Variants in SFSWAP observed in about 807,000 individuals in gnomAD.
SFSWAP encodes the protein splicing factor SWAP.
Under a neutral mutation model 100.7 loss-of-function variants are expected in SFSWAP, and 17 were observed. The observed-to-expected ratio is 0.17, with a 90% CI of 0.12 to 0.25. The LOEUF is 0.25. Among genes scored for constraint, SFSWAP ranks in the 10% least tolerant of loss-of-function variants. The probability of loss-of-function intolerance (pLI) is 1.00; values close to 1 mark genes in which losing one functional copy is unlikely to be tolerated. For missense variants in SFSWAP, 1,005 were observed against 1,262.6 expected, an observed-to-expected ratio of 0.80 and a Z score of 3.09; for synonymous variants, 504 against 510.1, an observed-to-expected ratio of 0.99 and a Z score of 0.16.
intron 14 of SFSWAP, chr12:131,785,300 A>C: frequency 2.1e-6 from 3 of 1,401,096 alleles, no homozygotes; most frequent in Non-Finnish European, 2.9e-6. Context: ...AATCAAAACG[A>C]TTCTGTCCGT....
intron 15 of SFSWAP, among the ~76,000 whole-genome samples, chr12:131,790,135 C>T (rs1474949413): frequency 1.3e-5 from 2 of 152,142 alleles, no homozygotes; most frequent in Non-Finnish European, 2.9e-5. Flanking sequence ...TAAATCTCAC[C>T]GTGGACTCAG....
At chr12:131,787,556 C>A (rs1884980359) in intron 15 of SFSWAP, among the ~76,000 whole-genome samples, 1 of 152,220 alleles carries the variant, frequency 6.6e-6, no homozygotes. Context: ...TGGAGCTACA[C>A]AGAGAAGGAT....
rs71072785 is a variant in SFSWAP, at chr12:131,738,885, C to CTTTTTTTTTTTTTTTTTTTTTTTTTT, written c.1081+10481_1081+10482insTTTTTTTTTTTTTTTTTTTTTTTTTT. Among the ~76,000 whole-genome samples, 12 of 48,754 alleles carry CTTTTTTTTTTTTTTTTTTTTTTTTTT rather than the reference C, an allele frequency of 2.5e-4. 5 individuals carry two copies. Among genetic ancestry groups the CTTTTTTTTTTTTTTTTTTTTTTTTTT allele is most frequent in the Non-Finnish European group, 3.3e-4 (8 of 24,294 alleles). The allele number at this position is 48,754 out of a possible 152,430, so 32.0% of individuals were successfully genotyped here. A position where few individuals can be genotyped will look rare whatever the true frequency, so the allele number is the denominator to read the frequency against. On this transcript the variant is annotated intron_variant, in intron 7 of 17. Transcript: ENST00000261674. Reference sequence around the variant, plus strand: ...TTCCAGTGCTGTAATGAACATTATTCTTTTTTTTTTTTTTTTTTTTTTTTG... The same window carrying CTTTTTTTTTTTTTTTTTTTTTTTTTT: ...TTCCAGTGCTGTAATGAACATTATTCTTTTTTTTTTTTTTTTTTTTTTTTTTTTTTTTTTTTTTTTTTTTTTTTTTG...
chr12:131,781,234 ATTTTTT>A (rs66608201), intron 14 of SFSWAP, among the ~76,000 whole-genome samples: 1 of 102,294 alleles, frequency 9.8e-6, no homozygotes, highest in Non-Finnish European at 2.2e-5. Context: ...ATATCTTATT[ATTTTTT>A]TTTTTTTTTT....
At chr12:131,788,700 C>T (rs571066553) in intron 15 of SFSWAP, among the ~76,000 whole-genome samples, 2 of 151,958 alleles carry the variant, frequency 1.3e-5, no homozygotes, top group African/African-American at 2.4e-5. Flanking sequence ...TGGCTGCTCT[C>T]AAGCTCCTGG....
intron 7 of SFSWAP, among the ~76,000 whole-genome samples, chr12:131,750,063 G>A (rs1295208458): frequency 6.6e-6 from 1 of 152,220 alleles, no homozygotes; most frequent in African/African-American, 2.4e-5. Context: ...AGCGGCAGAA[G>A]CCCTTCGGGA....
rs554609045 is a variant in SFSWAP, at chr12:131,761,176, T to C, written c.1721-3280T>C. On this transcript the variant is annotated intron_variant, in intron 11 of 17. Transcript: ENST00000261674. ...TCCACTGATTATGTTCAGATGATTT[T>C]TTTTCCATATTGGAATTGCAATTGA... is the stretch of plus-strand genomic sequence containing the variant. Among the ~76,000 whole-genome samples the C allele has an allele frequency of 1.8e-3, 277 of 152,354 alleles. 4 individuals carry two copies. Among genetic ancestry groups the C allele is most frequent in the African/African-American group, 6.4e-3 (266 of 41,572 alleles).
intron 13 of SFSWAP, among the ~76,000 whole-genome samples, chr12:131,774,227 G>T (rs947978073): frequency 6.6e-6 from 1 of 152,188 alleles, no homozygotes; most frequent in Non-Finnish European, 1.5e-5. Context: ...GAGCAACGCC[G>T]CAGTGTTGGT....
chr12:131,715,398 A>G (rs1375086819), intron 3 of SFSWAP, among the ~76,000 whole-genome samples: 3 of 151,982 alleles, frequency 2.0e-5, no homozygotes, highest in Non-Finnish European at 4.4e-5. Flanking sequence ...GGGAGTTTCT[A>G]CTCCCCAGAA....
chr12:131,746,920 C>T (rs1022404091), intron 7 of SFSWAP, among the ~76,000 whole-genome samples: 12 of 152,106 alleles, frequency 7.9e-5, no homozygotes, highest in East Asian at 1.9e-4. Flanking sequence ...CTGGCTAACA[C>T]GGTGAAACCC....
chr12:131,760,830 T>C (rs532330583), intron 11 of SFSWAP, among the ~76,000 whole-genome samples: 1 of 152,200 alleles, frequency 6.6e-6, no homozygotes, highest in African/African-American at 2.4e-5. Flanking sequence ...TCCCAGCACT[T>C]TGGGAGGCCG....
intron 1 of SFSWAP, chr12:131,712,055 G>A (rs939352606): frequency 6.5e-6 from 1 of 152,802 alleles, no homozygotes; most frequent in African/African-American, 2.4e-5. Context: ...TTGACAGATT[G>A]AGGTAGTGAG....
chr12:131,744,475 G>C (rs951670963), intron 7 of SFSWAP, among the ~76,000 whole-genome samples: 1 of 152,198 alleles, frequency 6.6e-6, no homozygotes, highest in Non-Finnish European at 1.5e-5. Context: ...CTTTGCCTCA[G>C]TTCCCAACAA....
At chr12:131,798,392 C>T (rs1331459890) in intron 16 of SFSWAP, among the ~76,000 whole-genome samples, 1 of 152,196 alleles carries the variant, frequency 6.6e-6, no homozygotes, top group Non-Finnish European at 1.5e-5. Context: ...ACACAGACGC[C>T]TCATGCACAG....
chr12:131,797,456 C>T (rs1885765942), intron 16 of SFSWAP, 96 bp downstream of exon 16: 10 of 1,160,492 alleles, frequency 8.6e-6, no homozygotes, highest in African/African-American at 3.1e-5. Context: ...TGTCAGTACT[C>T]GCCTGTGTCC....
At chr12:131,738,043 A>T (rs1445878791) in intron 7 of SFSWAP, among the ~76,000 whole-genome samples, 1 of 152,166 alleles carries the variant, frequency 6.6e-6, no homozygotes, top group Non-Finnish European at 1.5e-5. Context: ...GCCCACTGTG[A>T]TAGCCTGTGG....
At chr12:131,719,170 C>G (rs368299627) in intron 3 of SFSWAP, among the ~76,000 whole-genome samples, 4 of 151,874 alleles carry the variant, frequency 2.6e-5, no homozygotes, top group Non-Finnish European at 5.9e-5. Context: ...GTCCTAGAAC[C>G]AGTCCCCTGC....
In SFSWAP at chr12:131,734,711, A is replaced by T. The variant is rs368073334; in HGVS notation, c.1081+6283A>T. ...CAGAAAAGTGAAGAGCAGAAGTTCC[A>T]AAAGCACCTGGTGCTTCCTGGGAGA... On this transcript the variant is annotated intron_variant, in intron 7 of 17. Coordinates refer to ENST00000261674, the MANE Select transcript of SFSWAP (RefSeq NM_004592.4). This position sits in a 1 kb window ranked among gnomAD's most constrained non-coding sequence, Gnocchi z 4.9. Among the ~76,000 whole-genome samples the T allele has an allele frequency of 1.4e-4, 22 of 152,336 alleles. No individual in the cohort carries two copies. The highest frequency in any genetic ancestry group is 4.3e-4 in the African/African-American group (18 of 41,562).
At chr12:131,753,443 G>C (rs1881858320) in intron 8 of SFSWAP, 80 bp downstream of exon 8, 3 of 1,497,010 alleles carry the variant, frequency 2.0e-6, no homozygotes, top group African/African-American at 2.8e-5. Context: ...TCTCCATGGG[G>C]GGCTTGTAAT....
Sources: allele counts gnomAD v4.1 joint callset (sites outside exome capture counted in the v4.1 genomes callset), GRCh38; gene constraint gnomAD v4.1.1; non-coding constraint Gnocchi (gnomAD v3.1); transcripts MANE v1.5; gene names NCBI Gene and HGNC (gene_info 2026-07-23, HGNC 2026-07-21).